Variants in RAB3C observed in about 807,000 individuals in gnomAD.
The protein encoded by RAB3C is ras-related protein Rab-3C.
Under a neutral mutation model 26.4 loss-of-function variants are expected in RAB3C, and 17 were observed. The ratio of observed to expected loss-of-function variants is 0.64; its 90% CI spans 0.44 to 0.97. The LOEUF (loss-of-function observed/expected upper bound fraction) is 0.97. RAB3C is among the 50% of genes least tolerant of loss of function. The probability of loss-of-function intolerance (pLI) is 0.00; values close to 1 mark genes in which losing one functional copy is unlikely to be tolerated. For synonymous variants in RAB3C, 91 were observed against 95.9 expected, an observed-to-expected ratio of 0.95 and a Z score of 0.30; for missense variants, 242 against 281.9, an observed-to-expected ratio of 0.86 and a Z score of 1.01.
intron 1 of RAB3C, among the ~76,000 whole-genome samples, chr5:58,606,065 C>T (rs1746561593): frequency 6.6e-6 from 1 of 152,138 alleles, no homozygotes; most frequent in African/African-American, 2.4e-5. Flanking sequence ...TGGGTGCAGC[C>T]CACGGAGGGT....
In RAB3C at chr5:58,603,823, C is replaced by G. The variant is rs574260162; in HGVS notation, c.25-13820C>G. 3.9e-5 allele frequency among the ~76,000 whole-genome samples: 6 copies of G among 152,214 alleles called. No individual in the cohort carries two copies. In the South Asian group the frequency reaches 1.2e-3, roughly 32 times the overall value. On this transcript the variant is annotated intron_variant, in intron 1 of 4. Coordinates refer to ENST00000282878, the MANE Select transcript of RAB3C (RefSeq NM_138453.4). ...TTTTCAGGCAAATCAGGGATTTCTTCTTGGTTTGGATTCATTGCTGGTGAA... is the reference window on the plus strand; with the variant it reads ...TTTTCAGGCAAATCAGGGATTTCTTGTTGGTTTGGATTCATTGCTGGTGAA...
intron 3 of RAB3C, among the ~76,000 whole-genome samples, chr5:58,772,724 C>T (rs1742054738): frequency 6.6e-6 from 1 of 152,154 alleles, no homozygotes; most frequent in Non-Finnish European, 1.5e-5. Context: ...GACTGCATTT[C>T]AGCATAATAA....
Position 58,854,040 on chromosome 5 carries a change from C to CACACAG in RAB3C, c.*2694_*2695insGACACA, listed in dbSNP as rs1350192593. 6 of 137,828 alleles carry CACACAG rather than the reference C, an allele frequency of 4.4e-5. No homozygotes were observed. The highest frequency in any genetic ancestry group is 1.4e-4 in the Admixed American group (2 of 14,074). 8.5% of individuals were successfully genotyped at this position (137,828 alleles called of 1,614,324 possible). A position where few individuals can be genotyped will look rare whatever the true frequency, so the allele number is the denominator to read the frequency against. On this transcript the variant is annotated 3_prime_UTR_variant, in exon 5 of 5. Transcript: ENST00000282878. ...AGGTTTTTCAGCCTTTTGGCCAACA[C>CACACAG]ACACACACACACACACACACACACA...
chr5:58,632,821 G>A (rs1747213525), intron 2 of RAB3C, among the ~76,000 whole-genome samples: 1 of 152,086 alleles, frequency 6.6e-6, no homozygotes, highest in Admixed American at 6.5e-5. Flanking sequence ...CTCCATGACT[G>A]AATACAGTCC....
At chr5:58,775,936 A>G (rs1472776990) in intron 3 of RAB3C, among the ~76,000 whole-genome samples, 1 of 152,066 alleles carries the variant, frequency 6.6e-6, no homozygotes, top group Non-Finnish European at 1.5e-5. Context: ...TCTATTGCTC[A>G]CATTTTCTTT....
chr5:58,687,228 G>A (rs142789481), intron 2 of RAB3C, among the ~76,000 whole-genome samples: 3 of 152,132 alleles, frequency 2.0e-5, no homozygotes, highest in Non-Finnish European at 4.4e-5. Context: ...TGCTATCTTC[G>A]CAAAATGTGC....
At chr5:58,834,351 A>T (rs1470255809) in intron 4 of RAB3C, among the ~76,000 whole-genome samples, 1 of 152,198 alleles carries the variant, frequency 6.6e-6, no homozygotes, top group African/African-American at 2.4e-5. Context: ...CACTTTAATG[A>T]AGGATGATGG....
Position 58,613,818 on chromosome 5 carries a change from A to G in RAB3C, c.25-3825A>G, listed in dbSNP as rs151090390. On this transcript the variant is annotated intron_variant, in intron 1 of 4. Coordinates refer to ENST00000282878, the MANE Select transcript of RAB3C (RefSeq NM_138453.4). ...GTTTTAACCTAGCAGGATGTGTTCAATTTTTCAGACACGTCCTATGTGGAA... is the reference window on the plus strand; with the variant it reads ...GTTTTAACCTAGCAGGATGTGTTCAGTTTTTCAGACACGTCCTATGTGGAA... Among the ~76,000 whole-genome samples the G allele has an allele frequency of 2.7e-3, 414 of 152,178 alleles. 1 individual carries two copies. The highest frequency in any genetic ancestry group is 9.4e-3 in the African/African-American group (389 of 41,544).
chr5:58,696,786 A>G (rs761593792), intron 2 of RAB3C, among the ~76,000 whole-genome samples: 1 of 151,972 alleles, frequency 6.6e-6, no homozygotes, highest in Non-Finnish European at 1.5e-5. Flanking sequence ...ATCATTTTTT[A>G]TTGCATCTAT....
chr5:58,688,934 T>C (rs1032736990), intron 2 of RAB3C, among the ~76,000 whole-genome samples: 1 of 152,128 alleles, frequency 6.6e-6, no homozygotes, highest in African/African-American at 2.4e-5. Context: ...TGGTAGTGAG[T>C]TGGATATACA....
intron 2 of RAB3C, among the ~76,000 whole-genome samples, chr5:58,697,320 G>C (rs1158035703): frequency 6.6e-6 from 1 of 152,140 alleles, no homozygotes; most frequent in African/African-American, 2.4e-5. Flanking sequence ...TTTTACAATT[G>C]CTGAGGAGTG....
intron 2 of RAB3C, among the ~76,000 whole-genome samples, chr5:58,618,720 C>T (rs1425757555): frequency 1.3e-5 from 2 of 152,132 alleles, no homozygotes; most frequent in Non-Finnish European, 2.9e-5. Context: ...ATTTTATGGA[C>T]ATCGTAATAT....
At chr5:58,792,801 C>A (rs1742559260) in intron 3 of RAB3C, among the ~76,000 whole-genome samples, 1 of 151,530 alleles carries the variant, frequency 6.6e-6, no homozygotes, top group South Asian at 2.1e-4. Flanking sequence ...ATATATAAAA[C>A]CTTGTGTATA....
Position 58,857,362 on chromosome 5 carries a change from A to T in RAB3C, c.*6011A>T, listed in dbSNP as rs1200170368. On this transcript the variant is annotated 3_prime_UTR_variant, in exon 5 of 5. Coordinates refer to ENST00000282878, the MANE Select transcript of RAB3C (RefSeq NM_138453.4). ...TCAATTTTATCTCTTAGAATTGTGG[A>T]TTTTATTGTCAAGACAGAATGGCTG... 6.6e-6 allele frequency: 1 copy of T among 152,166 alleles called. No homozygotes were observed. Among genetic ancestry groups the T allele is most frequent in the Non-Finnish European group, 1.5e-5 (1 of 68,020 alleles). The allele number at this position is 152,166 out of a possible 1,614,324, so 9.4% of individuals were successfully genotyped here.
At chr5:58,824,987 A>T in intron 3 of RAB3C, 51 bp from the exon 4 acceptor site, 5 of 1,302,012 alleles carry the variant, frequency 3.8e-6, no homozygotes, top group Middle Eastern at 1.9e-4. Flanking sequence ...CCTTCATTTT[A>T]TGCTGTTCTG....
chr5:58,818,017 C>T lies in RAB3C; in HGVS notation c.372-7021C>T, dbSNP rs141354107. On this transcript the variant is annotated intron_variant, in intron 3 of 4. Transcript: ENST00000282878. ...CTGCTATTAAGATCTGTTCGAGCTT[C>T]GCTGGGTGAGGAAGAGTGAGTCATA... Among the ~76,000 whole-genome samples, 917 of 152,322 alleles carry T rather than the reference C, an allele frequency of 6.0e-3. 11 individuals carry two copies. The highest frequency in any genetic ancestry group is 0.021 in the African/African-American group (872 of 41,570).
chr5:58,734,417 G>C (rs1741091092), intron 3 of RAB3C, among the ~76,000 whole-genome samples: 3 of 152,044 alleles, frequency 2.0e-5, no homozygotes, highest in African/African-American at 7.2e-5. Flanking sequence ...GCAGTGGTGG[G>C]ATGAGAGCAC....
intron 2 of RAB3C, among the ~76,000 whole-genome samples, chr5:58,695,744 G>A (rs1748684030): frequency 6.6e-6 from 1 of 152,132 alleles, no homozygotes; most frequent in Non-Finnish European, 1.5e-5. Context: ...TGGTGTATAG[G>A]AATGCTTGTG....
intron 2 of RAB3C, among the ~76,000 whole-genome samples, chr5:58,634,952 T>G (rs1351859744): frequency 6.6e-6 from 1 of 152,102 alleles, no homozygotes; most frequent in East Asian, 1.9e-4. Context: ...ATAGAGATAG[T>G]GAGGTAAAGA....
Sources: gnomAD v4.1 joint callset for allele counts (sites outside exome capture counted in the v4.1 genomes callset) on GRCh38, gnomAD v4.1.1 for gene constraint, MANE v1.5 for transcripts, NCBI Gene and HGNC (gene_info 2026-07-23, HGNC 2026-07-21) for gene names.